The following ATP11C variants were observed in gnomAD, a reference collection of about 807,000 sequenced individuals.
ATP11C encodes the protein ATPase phospholipid transporting 11C (ATP11C blood group), also known as phospholipid-transporting ATPase IG.
In ATP11C, 36 loss-of-function variants were observed where a neutral mutation model predicts 97.4. The ratio of observed to expected loss-of-function variants is 0.37; its 90% CI spans 0.28 to 0.49. ATP11C has a LOEUF of 0.49. Ranked by LOEUF, ATP11C falls within the 20% of genes least tolerant of loss-of-function variation. The probability of loss-of-function intolerance (pLI) is 0.98; values close to 1 mark genes in which losing one functional copy is unlikely to be tolerated. For missense variants in ATP11C, 730 were observed against 824.6 expected, an observed-to-expected ratio of 0.89 and a Z score of 1.40; for synonymous variants, 275 against 290.9, an observed-to-expected ratio of 0.95 and a Z score of 0.56.
chrX:139,834,985 A>G (rs2083725019), intron 1 of ATP11C, among the ~76,000 whole-genome samples: 1 of 112,466 alleles, frequency 8.9e-6, no homozygotes, highest in Non-Finnish European at 1.9e-5. Flanking sequence ...CACATTCTGT[A>G]CAACATGTTT....
At chrX:139,845,540 G>GA (rs1357058560) in intron 1 of ATP11C, among the ~76,000 whole-genome samples, 1 of 111,794 alleles carries the variant, frequency 8.9e-6, no homozygotes, top group African/African-American at 3.2e-5. Flanking sequence ...AGGAAATGGA[G>GA]ACCTTGATGT....
intron 1 of ATP11C, among the ~76,000 whole-genome samples, chrX:139,861,676 T>G (rs1346283475): frequency 9.1e-6 from 1 of 109,891 alleles, no homozygotes; most frequent in Non-Finnish European, 1.9e-5. Context: ...CTCAATGGAC[T>G]GACTCTCAAG....
chrX:139,839,146 T>A (rs1261517709), intron 1 of ATP11C, among the ~76,000 whole-genome samples: 1 of 111,857 alleles, frequency 8.9e-6, no homozygotes, highest in African/African-American at 3.2e-5. Flanking sequence ...AATGCATAAT[T>A]CCATCATATG....
chrX:139,875,533 G>A (rs1417146683), intron 1 of ATP11C, among the ~76,000 whole-genome samples: 1 of 110,601 alleles, frequency 9.0e-6, no homozygotes, highest in East Asian at 2.8e-4. Flanking sequence ...GAAGGTTGAG[G>A]CTTTAGTGAG....
chrX:139,860,169 T>A (rs1230102215), intron 1 of ATP11C, among the ~76,000 whole-genome samples: 2 of 110,602 alleles, frequency 1.8e-5, no homozygotes, highest in Non-Finnish European at 3.8e-5. Flanking sequence ...AAGGCTTTTT[T>A]AAAACAGAAT....
At chrX:139,823,901 C>A (rs2083464929) in intron 2 of ATP11C, among the ~76,000 whole-genome samples, 1 of 109,922 alleles carries the variant, frequency 9.1e-6, no homozygotes, top group Non-Finnish European at 1.9e-5. Context: ...AAAATATTTA[C>A]AAATTATGAT....
intron 1 of ATP11C, among the ~76,000 whole-genome samples, chrX:139,891,218 A>AG: frequency 9.3e-6 from 1 of 107,876 alleles, no homozygotes; most frequent in East Asian, 2.9e-4. Flanking sequence ...AAAAAAAAAA[A>AG]AGAAGGAAGA....
chrX:139,840,515 T>G (rs999903503), intron 1 of ATP11C, among the ~76,000 whole-genome samples: 4 of 112,555 alleles, frequency 3.6e-5, no homozygotes, highest in African/African-American at 1.3e-4. Context: ...AGGCCAGAGA[T>G]ATAATCCCCA....
intron 20 of ATP11C, among the ~76,000 whole-genome samples, chrX:139,766,334 A>G (rs1354492227): frequency 1.8e-5 from 2 of 112,095 alleles, no homozygotes; most frequent in African/African-American, 3.2e-5. Context: ...CTGGCAGTGA[A>G]GCAGTCAGAA....
intron 22 of ATP11C, 78 bp downstream of exon 22, chrX:139,761,883 A>T: frequency 9.9e-6 from 7 of 704,816 alleles, no homozygotes; most frequent in African/African-American, 2.2e-5. Flanking sequence ...AAAAAAAAAA[A>T]GGAAGAACAA....
In ATP11C at chrX:139,826,745, T is replaced by C. The variant is rs1215787567; in HGVS notation, c.106A>G (p.Ile36Val). ...CTATTATCACAAAATCTTTGTGCAA[T>C]GTAAGCTTCTGTTTCCGAAACTGGA... ...NHPVSETEAY[I>V]AQRFCDNRIV... Residue 36 changes from isoleucine to valine, a missense_variant, in exon 2 of 30, where the codon ATT becomes GTT. Coordinates refer to ENST00000682941, the MANE Select transcript of ATP11C (RefSeq NM_001353812.2). 2.5e-6 allele frequency: 3 copies of C among 1,207,091 alleles called. No individual in the cohort carries two copies. In the East Asian group the frequency reaches 8.9e-5, roughly 36 times the overall value.
At chrX:139,761,227 C>T (rs985991110) in intron 22 of ATP11C, among the ~76,000 whole-genome samples, 4 of 111,067 alleles carry the variant, frequency 3.6e-5, no homozygotes, top group Non-Finnish European at 5.7e-5. Flanking sequence ...GCCGAGATCG[C>T]GCCACTGCAC....
intron 1 of ATP11C, among the ~76,000 whole-genome samples, chrX:139,914,070 T>C (rs2085118500): frequency 1.8e-5 from 2 of 111,735 alleles, no homozygotes; most frequent in African/African-American, 6.5e-5. Flanking sequence ...TACAGAATTA[T>C]AAAGCTGGGA....
intron 1 of ATP11C, among the ~76,000 whole-genome samples, chrX:139,831,351 G>GA (rs111615650): frequency 0.19 from 18,971 of 102,013 alleles, 3,072 homozygotes; most frequent in African/African-American, 0.5. Context: ...ACATTTAATT[G>GA]AAAAAAAAAA....
chrX:139,737,371 G>A (rs1224828165), intron 28 of ATP11C, among the ~76,000 whole-genome samples: 1 of 111,363 alleles, frequency 9.0e-6, no homozygotes, highest in Non-Finnish European at 1.9e-5. Flanking sequence ...TTTTACGAGT[G>A]TGTTCCAGAG....
chrX:139,931,187 A>G (rs1176015616), intron 1 of ATP11C, among the ~76,000 whole-genome samples: 1 of 112,234 alleles, frequency 8.9e-6, no homozygotes, highest in African/African-American at 3.2e-5. Context: ...TTACTCAAAA[A>G]AGTCAGTAGC....
At chrX:139,732,889 A>G (rs1310197497) in intron 28 of ATP11C, among the ~76,000 whole-genome samples, 1 of 111,773 alleles carries the variant, frequency 8.9e-6, no homozygotes, top group Non-Finnish European at 1.9e-5. Context: ...TTCAAAATCC[A>G]TTGGTCAAAG....
chrX:139,790,381 T>C (rs2082665618), intron 12 of ATP11C, among the ~76,000 whole-genome samples: 1 of 111,150 alleles, frequency 9.0e-6, no homozygotes, highest in African/African-American at 3.3e-5. Context: ...TTAACCTGTT[T>C]GATGTAAAGA....
intron 1 of ATP11C, among the ~76,000 whole-genome samples, chrX:139,901,643 T>C (rs1014428657): frequency 9.0e-6 from 1 of 110,565 alleles, no homozygotes; most frequent in Non-Finnish European, 1.9e-5. Flanking sequence ...ATGCTCAGAG[T>C]ACCATAAAAA....
Sources: allele counts gnomAD v4.1 joint callset (sites outside exome capture counted in the v4.1 genomes callset), GRCh38; gene constraint gnomAD v4.1.1; transcripts MANE v1.5; gene names NCBI Gene and HGNC (gene_info 2026-07-23, HGNC 2026-07-21).